TOX3: variants seen among roughly 807,000 people sequenced by gnomAD.
TOX3 encodes TOX high mobility group box family member 3, also known as CAG trinucleotide repeat-containing gene F9 protein.
TOX3 carries 22 observed loss-of-function variants against 64.3 expected under a neutral mutation model. The ratio of observed to expected loss-of-function variants is 0.34; its 90% confidence interval spans 0.24 to 0.49. The LOEUF (loss-of-function observed/expected upper bound fraction) is 0.49. Ranked by LOEUF, TOX3 falls within the 20% of genes least tolerant of loss-of-function variation. The pLI, the probability that TOX3 is intolerant of heterozygous loss-of-function variation, is 0.99. For synonymous variants in TOX3, 291 were observed against 273.6 expected (o/e 1.06, Z -0.63); for missense variants, 661 against 714.4 (o/e 0.93, Z 0.85).
At chr16:52,449,477 A>G (rs974850253) in intron 4 of TOX3, among the ~76,000 whole-genome samples, 2 of 152,180 alleles carry the variant, frequency 1.3e-5, no homozygotes, top group African/African-American at 4.8e-5. Context: ...CACTCTCCCA[A>G]GCAGAATCGA....
chr16:52,491,092 T>C (rs1961671675), intron 1 of TOX3, among the ~76,000 whole-genome samples: 1 of 152,226 alleles, frequency 6.6e-6, no homozygotes, highest in Admixed American at 6.5e-5. Context: ...AAAACTCTTT[T>C]CCTCATTGAA....
chr16:52,539,653 A>G (rs920198787), intron 1 of TOX3, among the ~76,000 whole-genome samples: 1 of 152,202 alleles, frequency 6.6e-6, no homozygotes, highest in African/African-American at 2.4e-5. Flanking sequence ...CTACAAACAG[A>G]AAGACTCCAT....
intron 3 of TOX3, among the ~76,000 whole-genome samples, chr16:52,458,964 CA>C (rs5816847): frequency 2.0e-4 from 30 of 149,326 alleles, no homozygotes; most frequent in African/African-American, 5.7e-4. Context: ...CACTGGTAGT[CA>C]AAAAAAAAGA....
At position 52,537,878 on chromosome 16, in the gene TOX3, TAAAAAAA is replaced by T. The variant is rs57403617; in HGVS notation, c.87+8752_87+8758del. ...CTTGAGTACAGCCTGGCTGATATGATAAAAAAAAAAAAAAAAAAAAAAGAAAGAAAAA... is the reference window on the plus strand; with the variant it reads ...CTTGAGTACAGCCTGGCTGATATGATAAAAAAAAAAAAAAAGAAAGAAAAA... On this transcript the variant is annotated intron_variant, in intron 1 of 6. Transcript: ENST00000219746. 2.4e-3 allele frequency among the ~76,000 whole-genome samples: 270 copies of T among 111,024 alleles called. 1 individual carries two copies. The highest frequency in any genetic ancestry group is 8.6e-3 in the African/African-American group (261 of 30,450). 72.8% of individuals were successfully genotyped at this position (111,024 alleles called of 152,430 possible).
intron 3 of TOX3, among the ~76,000 whole-genome samples, chr16:52,462,996 T>C (rs566048869): frequency 6.6e-6 from 1 of 152,326 alleles, no homozygotes; most frequent in South Asian, 2.1e-4. Context: ...CCACTACATA[T>C]TTTGCAATCA....
chr16:52,492,586 T>TATATATATATATATAA (rs2151458654), intron 1 of TOX3, among the ~76,000 whole-genome samples: 1 of 139,090 alleles, frequency 7.2e-6, no homozygotes, highest in African/African-American at 2.7e-5. Flanking sequence ...TATATATATA[T>TATATATATATATATAA]ATATATATTC....
At chr16:52,535,043 G>C (rs957901979) in intron 1 of TOX3, among the ~76,000 whole-genome samples, 3 of 152,160 alleles carry the variant, frequency 2.0e-5, no homozygotes, top group Non-Finnish European at 2.9e-5. Context: ...TCTTATTACA[G>C]TGTGTCTCTC....
chr16:52,505,183 G>T, intron 1 of TOX3, among the ~76,000 whole-genome samples: 1 of 152,110 alleles, frequency 6.6e-6, no homozygotes, highest in African/African-American at 2.4e-5. Context: ...GTTAAAGAGA[G>T]AACTGCATAG....
At chr16:52,485,145 A>ACATATGTGTGTATG (rs1567329309) in intron 1 of TOX3, among the ~76,000 whole-genome samples, 13 of 147,176 alleles carry the variant, frequency 8.8e-5, no homozygotes, top group African/African-American at 3.0e-4. Flanking sequence ...ATGTGTGTAT[A>ACATATGTGTGTATG]TGTGTGTGTA....
Position 52,438,007 on chromosome 16 carries a change from A to C in TOX3, c.*1218T>G, listed in dbSNP as rs896917404. On this transcript the variant is annotated 3_prime_UTR_variant, in exon 7 of 7. Coordinates refer to ENST00000219746, the MANE Select transcript of TOX3 (RefSeq NM_001080430.4). ...ACATGTATTCAAGGAACCAAAAATGAAATCTGACATATCATTTTATTTGAA... is the reference window on the plus strand; with the variant it reads ...ACATGTATTCAAGGAACCAAAAATGCAATCTGACATATCATTTTATTTGAA... 1 of 152,670 alleles carries C rather than the reference A, an allele frequency of 6.6e-6. No individual in the cohort carries two copies. The highest frequency in any genetic ancestry group is 2.4e-5 in the African/African-American group (1 of 41,460). 9.5% of individuals were successfully genotyped at this position (152,670 alleles called of 1,614,324 possible).
At chr16:52,472,201 C>G (rs567567617) in intron 1 of TOX3, among the ~76,000 whole-genome samples, 1 of 152,024 alleles carries the variant, frequency 6.6e-6, no homozygotes, top group South Asian at 2.1e-4. Context: ...TATTTATGTG[C>G]CTATTATGTA....
intron 1 of TOX3, among the ~76,000 whole-genome samples, chr16:52,475,208 T>A (rs1361224842): frequency 6.6e-6 from 1 of 152,178 alleles, no homozygotes; most frequent in Non-Finnish European, 1.5e-5. Context: ...TCAATAAAGA[T>A]AAGAATGTTT....
intron 1 of TOX3, among the ~76,000 whole-genome samples, chr16:52,513,143 T>C (rs1159713519): frequency 6.6e-6 from 1 of 152,122 alleles, no homozygotes. Context: ...AAAGGCTGAA[T>C]AAATCACAAC....
intron 2 of TOX3, among the ~76,000 whole-genome samples, chr16:52,464,506 G>A (rs1050274515): frequency 3.4e-4 from 51 of 152,094 alleles, no homozygotes; most frequent in African/African-American, 1.2e-3. Context: ...TTATTGATAT[G>A]TTAGTGAAAC....
intron 1 of TOX3, among the ~76,000 whole-genome samples, chr16:52,504,927 C>T (rs1261427186): frequency 1.3e-5 from 2 of 152,024 alleles, no homozygotes; most frequent in Non-Finnish European, 2.9e-5. Flanking sequence ...CTCTGCCTCC[C>T]GGGTTCAAGC....
chr16:52,462,700 C>T (rs1960727926), intron 3 of TOX3, among the ~76,000 whole-genome samples: 1 of 151,926 alleles, frequency 6.6e-6, no homozygotes, highest in Admixed American at 6.6e-5. Flanking sequence ...TGTAGAGAAA[C>T]AGAGAATAGA....
intron 3 of TOX3, among the ~76,000 whole-genome samples, chr16:52,462,156 T>C (rs191578007): frequency 6.6e-6 from 1 of 152,168 alleles, no homozygotes; most frequent in Non-Finnish European, 1.5e-5. Flanking sequence ...TCCATGTAAA[T>C]ACCATGACAA....
At chr16:52,441,626 A>G (rs1410648323) in intron 6 of TOX3, among the ~76,000 whole-genome samples, 2 of 152,118 alleles carry the variant, frequency 1.3e-5, no homozygotes, top group Non-Finnish European at 2.9e-5. Flanking sequence ...TTGTAGGGGC[A>G]CCTAGGAGAC....
At chr16:52,516,023 C>CA (rs1419904425) in intron 1 of TOX3, among the ~76,000 whole-genome samples, 7 of 151,678 alleles carry the variant, frequency 4.6e-5, no homozygotes, top group Non-Finnish European at 7.4e-5. Context: ...AATACACACA[C>CA]ATATACTTGT....
Sources: gnomAD v4.1 joint callset for allele counts (sites outside exome capture counted in the v4.1 genomes callset) on GRCh38, gnomAD v4.1.1 for gene constraint, MANE v1.5 for transcripts, NCBI Gene and HGNC (gene_info 2026-07-23, HGNC 2026-07-21) for gene names.